Variants in MATK observed in about 807,000 individuals in gnomAD.
The protein encoded by MATK is megakaryocyte-associated tyrosine-protein kinase.
In MATK, 41 loss-of-function variants were observed where a neutral mutation model predicts 59.8. The ratio of observed to expected loss-of-function variants is 0.69; its 90% confidence interval spans 0.53 to 0.89. The LOEUF is 0.89. Ranked by LOEUF, MATK falls within the 40% of genes least tolerant of loss-of-function variation. The pLI is 0.00. For synonymous variants in MATK, 308 were observed against 306.1 expected, an observed-to-expected ratio of 1.01 and a Z score of -0.06; for missense variants, 593 against 719.6, an observed-to-expected ratio of 0.82 and a Z score of 2.01.
At chr19:3,793,606 G>A (rs1187976582) in intron 1 of MATK, among the ~76,000 whole-genome samples, 1 of 152,126 alleles carries the variant, frequency 6.6e-6, no homozygotes, top group African/African-American at 2.4e-5. Flanking sequence ...GGAGGCTGAG[G>A]CAGGAGAATG....
intron 1 of MATK, among the ~76,000 whole-genome samples, chr19:3,795,037 G>A (rs757752560): frequency 7.1e-5 from 10 of 141,012 alleles, no homozygotes; most frequent in Non-Finnish European, 6.1e-5. Context: ...GAGTGCAGTG[G>A]CGTGATCTTG....
intron 1 of MATK, 62 bp from the exon 2 acceptor site, chr19:3,785,348 C>T: frequency 8.5e-7 from 1 of 1,182,674 alleles, no homozygotes; most frequent in Non-Finnish European, 1.2e-6. Flanking sequence ...TCCCAAGAAT[C>T]TCTGACCGTG....
At chr19:3,796,450 G>T (rs2037595350) in intron 1 of MATK, among the ~76,000 whole-genome samples, 1 of 152,078 alleles carries the variant, frequency 6.6e-6, no homozygotes, top group African/African-American at 2.4e-5. Flanking sequence ...CACAATTTTT[G>T]CTTAAATGAA....
chr19:3,781,561 C>T lies in MATK; in HGVS notation c.742+46G>A, dbSNP rs2145750230. ...TCTGTGACTCCAAAGCCTCAATACGCACCTCCCATCTTCCTTCAGCACCCC... is the reference window on the plus strand; with the variant it reads ...TCTGTGACTCCAAAGCCTCAATACGTACCTCCCATCTTCCTTCAGCACCCC... On this transcript the variant is annotated intron_variant, in intron 8 of 13. Coordinates refer to ENST00000310132, the MANE Select transcript of MATK (RefSeq NM_139355.3). The T allele has an allele frequency of 6.9e-6, 11 of 1,597,712 alleles. No individual in the cohort carries two copies. In the Middle Eastern group the frequency reaches 6.6e-4, roughly 96 times the overall value.
chr19:3,779,296 G>A (rs1402468426), intron 11 of MATK, 82 bp downstream of exon 11: 12 of 1,573,418 alleles, frequency 7.6e-6, no homozygotes, highest in African/African-American at 4.0e-5. Flanking sequence ...TCCCTGCCCC[G>A]TGCCTCAGTT....
rs1253370215 is a variant in MATK, at chr19:3,783,184, C to T, written c.618G>A (p.Lys206=). The change falls in exon 7 of 14, where the codon AAG becomes AAA. Residue 206 remains lysine (K), a synonymous_variant. Transcript: ENST00000310132. ...CGTGTTTCCGCTTTGGTCTCACCAG[C>T]TTGGTGCAGATAGCGCCCTTGTCCT... ...YSKDKGAICT[K]LVRPKRKHGT... 2 of 1,614,058 alleles carry T rather than the reference C, an allele frequency of 1.2e-6. No individual in the cohort carries two copies. The highest frequency in any genetic ancestry group is 1.1e-5 in the South Asian group (1 of 91,084).
At chr19:3,789,547 G>A (rs1390762703), upstream of MATK, 9 of 495,394 alleles carry the variant, frequency 1.8e-5, no homozygotes, top group Non-Finnish European at 3.3e-5. Flanking sequence ...TGTTGGGTTC[G>A]CAAATTGTCA....
At chr19:3,780,590 C>A (rs1281205586) in intron 8 of MATK, among the ~76,000 whole-genome samples, 3 of 133,086 alleles carry the variant, frequency 2.3e-5, no homozygotes, top group African/African-American at 7.7e-5. Flanking sequence ...CCACGCCCGG[C>A]TAATTTTTTT....
chr19:3,793,966 G>A (rs2037568818), intron 1 of MATK, among the ~76,000 whole-genome samples: 1 of 152,128 alleles, frequency 6.6e-6, no homozygotes, highest in South Asian at 2.1e-4. Flanking sequence ...TCCAGTGGCT[G>A]TCACCTCTCT....
At chr19:3,798,818 T>G (rs944019430) in intron 1 of MATK, among the ~76,000 whole-genome samples, 2 of 151,578 alleles carry the variant, frequency 1.3e-5, no homozygotes, top group Non-Finnish European at 2.9e-5. Context: ...GGCCTGTTTT[T>G]TTTTTAAGGC....
chr19:3,793,522 T>A (rs1191748010), intron 1 of MATK: 1 of 152,160 alleles, frequency 6.6e-6, no homozygotes, highest in Non-Finnish European at 1.5e-5. Context: ...GCTAACATGG[T>A]GAAACCCCGT....
intron 1 of MATK, among the ~76,000 whole-genome samples, chr19:3,800,331 G>A (rs940815132): frequency 2.0e-5 from 3 of 151,538 alleles, no homozygotes; most frequent in Admixed American, 6.6e-5. Context: ...GGGCATTAAA[G>A]AATAGAGAGC....
chr19:3,783,823 G>C lies in MATK; in HGVS notation c.573C>G (p.Asp191Glu). The change falls in exon 6 of 14, where the codon GAC becomes GAG. Residue 191 changes from aspartate to glutamate, a missense_variant. By Grantham distance (45) the Asp-to-Glu change is conservative. Transcript: ENST00000310132. ...CTCTGGGTGGCAGCACCTCCACCAT[G>C]TCCATGAGGTTGCAGAAGAACACGG... ...DEAVFFCNLMDMVEHYSKDKG... is the reference protein window; with the variant it reads ...DEAVFFCNLMEMVEHYSKDKG... 1 of 1,611,606 alleles carries C rather than the reference G, an allele frequency of 6.2e-7. No homozygotes were observed. Among genetic ancestry groups the C allele is most frequent in the Non-Finnish European group, 8.5e-7 (1 of 1,178,780 alleles).
At chr19:3,790,248 C>A (rs575892288), upstream of MATK, among the ~76,000 whole-genome samples, 36 of 152,214 alleles carry the variant, frequency 2.4e-4, no homozygotes, top group Admixed American at 1.2e-3. Context: ...GGACTCACCC[C>A]TTCCTTATAC....
chr19:3,790,648 G>A (rs879381771), upstream of MATK, among the ~76,000 whole-genome samples: 23 of 152,016 alleles, frequency 1.5e-4, no homozygotes, highest in African/African-American at 4.1e-4. Context: ...TAGTGAGTCC[G>A]AACTGCAGAA....
chr19:3,786,095 C>A lies in MATK; in HGVS notation c.-152+74G>T, dbSNP rs974202369. On this transcript the variant is annotated intron_variant, in intron 1 of 13. Transcript: ENST00000310132. The surrounding 1 kb of genome is among the most constrained non-coding windows in gnomAD (Gnocchi z 4.1). ...TCCTGCGCACGTCCCGGGCCCACCCCCGCCTAGAGCCCTCGGGGTTTCCCC... is the reference window on the plus strand; with the variant it reads ...TCCTGCGCACGTCCCGGGCCCACCCACGCCTAGAGCCCTCGGGGTTTCCCC... 5.9e-5 allele frequency: 39 copies of A among 658,682 alleles called. No homozygotes were observed. Among genetic ancestry groups the A allele is most frequent in the Admixed American group, 2.5e-4 (4 of 15,838 alleles). The allele number at this position is 658,682 out of a possible 1,614,324, so 40.8% of individuals were successfully genotyped here. A position where few individuals can be genotyped will look rare whatever the true frequency, so the allele number is the denominator to read the frequency against.
At chr19:3,788,104 T>TATATTATATC (rs1470293413), upstream of MATK, among the ~76,000 whole-genome samples, 9 of 127,564 alleles carry the variant, frequency 7.1e-5, no homozygotes, top group Non-Finnish European at 5.0e-5. Flanking sequence ...ATATTTATAT[T>TATATTATATC]ATATTATATT....
At chr19:3,782,192 A>C (rs1018921434) in intron 7 of MATK, among the ~76,000 whole-genome samples, 1 of 152,196 alleles carries the variant, frequency 6.6e-6, no homozygotes, top group Non-Finnish European at 1.5e-5. Context: ...AGGTTCCAGA[A>C]TATTCCAGGG....
upstream of MATK, chr19:3,789,310 C>T: frequency 1.3e-6 from 1 of 778,984 alleles, no homozygotes; most frequent in Non-Finnish European, 2.4e-6. Context: ...TCGCCGAGGT[C>T]TGCCTTCTCT....
Sources: gnomAD v4.1 joint callset for allele counts (sites outside exome capture counted in the v4.1 genomes callset) on GRCh38, gnomAD v4.1.1 for gene constraint, Gnocchi (gnomAD v3.1) non-coding constraint, MANE v1.5 for transcripts, NCBI Gene and HGNC (gene_info 2026-07-23, HGNC 2026-07-21) for gene names.